The following CCDC30 variants were observed in gnomAD, a reference collection of about 807,000 sequenced individuals.
CCDC30 encodes the protein coiled-coil domain containing 30.
In CCDC30, 70 loss-of-function variants were observed where a neutral mutation model predicts 100.2. The observed-to-expected ratio is 0.70, with a 90% CI of 0.58 to 0.85. CCDC30 has a LOEUF of 0.85. Among genes scored for constraint, CCDC30 ranks in the 40% least tolerant of loss-of-function variants. The pLI is 0.00. For synonymous variants in CCDC30, 233 were observed against 269.5 expected, an observed-to-expected ratio of 0.86 and a Z score of 1.33; for missense variants, 652 against 771.2, an observed-to-expected ratio of 0.85 and a Z score of 1.83.
intron 6 of CCDC30, among the ~76,000 whole-genome samples, chr1:42,507,742 A>T (rs1644417517): frequency 6.6e-6 from 1 of 152,144 alleles, no homozygotes; most frequent in Non-Finnish European, 1.5e-5. Context: ...CAGCATAGTT[A>T]GGGGGTTGTT....
At chr1:42,592,764 GACA>G (rs1162326114) in intron 10 of CCDC30, 1 of 151,952 alleles carries the variant, frequency 6.6e-6, no homozygotes, top group African/African-American at 2.4e-5. Flanking sequence ...TAAAGTATAT[GACA>G]CCTCTCCCCA....
At chr1:42,460,007 TATGGACAGATAAA>T, upstream of CCDC30, 1 of 1,484,444 alleles carries the variant, frequency 6.7e-7, no homozygotes. Flanking sequence ...ATGGCTTTCA[TATGGACAGATAAA>T]ATGAAAGAAA....
At chr1:42,562,676 G>A (rs1220137864) in intron 6 of CCDC30, among the ~76,000 whole-genome samples, 2 of 152,096 alleles carry the variant, frequency 1.3e-5, no homozygotes, top group Non-Finnish European at 2.9e-5. Flanking sequence ...AGGCAACCTA[G>A]AGAATGGGGG....
chr1:42,590,460 G>A (rs1646163506), intron 10 of CCDC30: 1 of 152,248 alleles, frequency 6.6e-6, no homozygotes, highest in African/African-American at 2.4e-5. Flanking sequence ...AAGGCAGGAG[G>A]ACCAGGAGCA....
chr1:42,642,795 T>C (rs942562248), intron 13 of CCDC30, among the ~76,000 whole-genome samples, 186 bp downstream of exon 17: 6 of 152,198 alleles, frequency 3.9e-5, no homozygotes, highest in African/African-American at 1.4e-4. Flanking sequence ...AAAAATATCA[T>C]GGAGGAGGCT....
exon 2 of CCDC30, chr1:42,480,469 G>A (rs1417581140): frequency 5.9e-6 from 1 of 168,974 alleles, no homozygotes; most frequent in Non-Finnish European, 1.2e-5. Context: ...AGGTTGGAGT[G>A]CTGGAGTGCA....
intron 6 of CCDC30, among the ~76,000 whole-genome samples, chr1:42,514,249 G>A (rs570965647): frequency 5.1e-4 from 77 of 152,208 alleles, no homozygotes; most frequent in African/African-American, 1.7e-3. Flanking sequence ...CATGTCTCTT[G>A]GGGATATTCC....
intron 12 of CCDC30, among the ~76,000 whole-genome samples, chr1:42,639,509 T>TA (rs1470954991): frequency 2.0e-5 from 3 of 152,230 alleles, no homozygotes; most frequent in African/African-American, 7.2e-5. Context: ...CAGGTCTTCA[T>TA]AAAATGTGCT....
intron 4 of CCDC30, among the ~76,000 whole-genome samples, chr1:42,496,730 C>A (rs1449222524): frequency 2.0e-5 from 3 of 152,070 alleles, no homozygotes; most frequent in Non-Finnish European, 4.4e-5. Context: ...GTAAAAGAGA[C>A]AGGACTGAAA....
At chr1:42,510,426 A>T in intron 6 of CCDC30, among the ~76,000 whole-genome samples, 1 of 152,158 alleles carries the variant, frequency 6.6e-6, no homozygotes, top group East Asian at 1.9e-4. Flanking sequence ...TGGGGGGCCA[A>T]GGTGGGCAGA....
chr1:42,464,741 C>G (rs909583043), intron 1 of CCDC30, among the ~76,000 whole-genome samples: 3 of 152,188 alleles, frequency 2.0e-5, no homozygotes, highest in Non-Finnish European at 4.4e-5. Context: ...ACTATTTCTT[C>G]TTCAGTATTC....
chr1:42,481,766 TA>T (rs1643962153), intron 2 of CCDC30, among the ~76,000 whole-genome samples: 1 of 152,114 alleles, frequency 6.6e-6, no homozygotes. Flanking sequence ...GTCTGGTGAA[TA>T]AAGTGTACAC....
At chr1:42,456,479 A>C in the CCDC30 span, 1 of 1,367,468 alleles carries the variant, frequency 7.3e-7, no homozygotes, top group Non-Finnish European at 9.6e-7. Flanking sequence ...CCCACTCAGT[A>C]CGGCGCGGCG....
chr1:42,651,241 A>G (rs1284326944), intron 15 of CCDC30, among the ~76,000 whole-genome samples: 2 of 152,218 alleles, frequency 1.3e-5, no homozygotes, highest in African/African-American at 2.4e-5. Context: ...ATGGGATTAT[A>G]TCAAACTAAA....
At chr1:42,625,172 A>T (rs866939037) in intron 11 of CCDC30, among the ~76,000 whole-genome samples, 1 of 152,116 alleles carries the variant, frequency 6.6e-6, no homozygotes. Flanking sequence ...TACTGAATTT[A>T]GTTGCTCATA....
chr1:42,604,678 T>C (rs1170557563), intron 10 of CCDC30, among the ~76,000 whole-genome samples: 1 of 152,234 alleles, frequency 6.6e-6, no homozygotes, highest in Non-Finnish European at 1.5e-5. Flanking sequence ...GCCAAAAGTC[T>C]ATATAATTCC....
intron 6 of CCDC30, among the ~76,000 whole-genome samples, chr1:42,519,244 T>C (rs1254262029): frequency 6.6e-6 from 1 of 152,246 alleles, no homozygotes. Context: ...TGTAGTTTAC[T>C]TTTCCTGTGG....
At chr1:42,611,181 A>C in intron 11 of CCDC30, 91 bp downstream of exon 15, 1 of 661,610 alleles carries the variant, frequency 1.5e-6, no homozygotes, top group South Asian at 2.2e-5. Context: ...TGGGCTGCTC[A>C]CTGAAGCAAC....
the CCDC30 span, chr1:42,457,454 A>T: frequency 1.1e-6 from 1 of 949,200 alleles, no homozygotes; most frequent in Non-Finnish European, 1.7e-6. Context: ...TTCGCTAGGC[A>T]CAGGGGATAC....
Sources: allele counts gnomAD v4.1 joint callset (sites outside exome capture counted in the v4.1 genomes callset), GRCh38; gene constraint gnomAD v4.1.1; transcripts MANE v1.5; gene names NCBI Gene and HGNC (gene_info 2026-07-23, HGNC 2026-07-21).